The following ACTN2 variants were observed in gnomAD, a reference collection of about 807,000 sequenced individuals.
ACTN2 encodes the protein actinin alpha 2.
ACTN2 carries 39 observed loss-of-function variants against 113.8 expected under a neutral mutation model. The observed-to-expected ratio is 0.34, with a 90% CI of 0.27 to 0.45. ACTN2 has a LOEUF of 0.45. ACTN2 is among the 20% of genes least tolerant of loss of function. The pLI is 1.00. For missense variants in ACTN2, 992 were observed against 1,177.9 expected (o/e 0.84, Z 2.31); for synonymous variants, 429 against 444.1 (o/e 0.97, Z 0.43).
At chr1:236,740,724 G>A (rs1659043131) in intron 10 of ACTN2, among the ~76,000 whole-genome samples, 1 of 151,428 alleles carries the variant, frequency 6.6e-6, no homozygotes, top group Non-Finnish European at 1.5e-5. Context: ...GTAGAGGTGG[G>A]GTTTCACCAT....
intron 5 of ACTN2, 126 bp downstream of exon 5, chr1:236,726,146 C>T (rs1423387655): frequency 1.2e-6 from 1 of 842,216 alleles, no homozygotes; most frequent in Non-Finnish European, 2.0e-6. Flanking sequence ...GAGGAGAACT[C>T]AGGCTGTAGA....
chr1:236,733,225 AAG>A (rs1294543815), intron 7 of ACTN2, among the ~76,000 whole-genome samples: 1 of 152,204 alleles, frequency 6.6e-6, no homozygotes, highest in Non-Finnish European at 1.5e-5. Context: ...CAGGGTACTA[AAG>A]AGAGGAGAAA....
chr1:236,747,535 C>G (rs1232846920), intron 12 of ACTN2, 132 bp from the exon 13 acceptor site: 1 of 785,232 alleles, frequency 1.3e-6, no homozygotes, highest in African/African-American at 1.7e-5. Context: ...TCAGCCCACT[C>G]TCTATGTCCA....
chr1:236,720,916 C>T (rs1658363602), intron 4 of ACTN2, among the ~76,000 whole-genome samples: 1 of 26,536 alleles, frequency 3.8e-5, no homozygotes, highest in Non-Finnish European at 7.9e-4. Context: ...CCCCTTCTGA[C>T]TCTGTAATCC....
Position 236,700,189 on chromosome 1 carries a change from T to C in ACTN2, c.126+13390T>C, listed in dbSNP as rs140513438. On this transcript the variant is annotated intron_variant, in intron 1 of 20. Coordinates refer to ENST00000366578, the MANE Select transcript of ACTN2 (RefSeq NM_001103.4). Reference sequence around the variant, plus strand: ...TTTTATTTTATTATTTTATTTTATTTATCTTATTTTTGAGACGGAGTCTCT... The same window carrying C: ...TTTTATTTTATTATTTTATTTTATTCATCTTATTTTTGAGACGGAGTCTCT... Among the ~76,000 whole-genome samples the C allele has an allele frequency of 4.7e-3, 721 of 152,330 alleles. 30 individuals carry two copies. The highest frequency in any genetic ancestry group is 0.043 in the Admixed American group (652 of 15,296).
intron 1 of ACTN2, among the ~76,000 whole-genome samples, chr1:236,702,988 C>A (rs1009138932): frequency 5.3e-5 from 8 of 152,150 alleles, no homozygotes; most frequent in Admixed American, 3.9e-4. Context: ...CTGTGTAGTA[C>A]AAGCTGCTTC....
chr1:236,738,790 C>A (rs929236702), intron 9 of ACTN2, among the ~76,000 whole-genome samples: 1 of 152,136 alleles, frequency 6.6e-6, no homozygotes, highest in African/African-American at 2.4e-5. Flanking sequence ...AAAAGCTAGA[C>A]GTCAAAATAC....
intron 1 of ACTN2, among the ~76,000 whole-genome samples, chr1:236,694,556 A>G (rs1657414866): frequency 6.6e-6 from 1 of 152,126 alleles, no homozygotes; most frequent in East Asian, 1.9e-4. Context: ...GAAATTATGA[A>G]TCATTTCTAA....
intron 1 of ACTN2, among the ~76,000 whole-genome samples, chr1:236,690,927 C>T (rs1314734343): frequency 2.7e-5 from 4 of 145,826 alleles, no homozygotes; most frequent in Admixed American, 1.5e-4. Context: ...CCCCCCTCCT[C>T]GGGTGTACTT....
rs1359154699 is a variant in ACTN2 at position 236,763,710 on chromosome 1, G to C, written c.*1091G>C. 6.6e-6 allele frequency: 1 copy of C among 152,206 alleles called. No individual in the cohort carries two copies. Among genetic ancestry groups the C allele is most frequent in the Non-Finnish European group, 1.5e-5 (1 of 68,054 alleles). The allele number at this position is 152,206 out of a possible 1,614,324, so 9.4% of individuals were successfully genotyped here. A position where few individuals can be genotyped will look rare whatever the true frequency, so the allele number is the denominator to read the frequency against. On this transcript the variant is annotated 3_prime_UTR_variant, in exon 21 of 21. Coordinates refer to ENST00000366578, the MANE Select transcript of ACTN2 (RefSeq NM_001103.4). ...TAGGAATAACTAGATATTTTAGCTA[G>C]TGTGCGGTGTGTGTTCACCCCTGGG...
chr1:236,693,674 A>G (rs908512798), intron 1 of ACTN2, among the ~76,000 whole-genome samples: 3 of 152,034 alleles, frequency 2.0e-5, no homozygotes, highest in Non-Finnish European at 2.9e-5. Context: ...TGTGTGCTCC[A>G]AGGCCTTCAG....
At chr1:236,737,297 G>GTATGTATATATATATATATA in intron 9 of ACTN2, 83 bp downstream of exon 9, 2 of 322,240 alleles carry the variant, frequency 6.2e-6, no homozygotes, top group East Asian at 5.8e-5. Context: ...CTCCGTGGGG[G>GTATGTATATATATATATATA]CATATATATA....
At chr1:236,761,840 AC>A (rs1054191883) in intron 20 of ACTN2, among the ~76,000 whole-genome samples, 1 of 152,182 alleles carries the variant, frequency 6.6e-6, no homozygotes, top group Admixed American at 6.5e-5. Flanking sequence ...AAACACAGTA[AC>A]AGAGCCATAT....
At chr1:236,747,529 C>A in intron 12 of ACTN2, 138 bp from the exon 13 acceptor site, 1 of 740,240 alleles carries the variant, frequency 1.4e-6, no homozygotes, top group South Asian at 1.6e-5. Flanking sequence ...TGTCTATCAG[C>A]CCACTCTCTA....
rs1768056 is a variant in ACTN2, at chr1:236,727,481, A to G, written c.537-197A>G. Among the ~76,000 whole-genome samples, 146,857 of 152,090 alleles carry G rather than the reference A, an allele frequency of 0.97. 71,015 individuals are homozygous for G. Among genetic ancestry groups the G allele is most frequent in the Non-Finnish European group, 1 (67,753 of 68,022 alleles). ...AGGGCAAGTCTCAGGCAAGGAAGTC[A>G]AAAGGAGAGGAGTACCGTGGACCCT... is the stretch of plus-strand genomic sequence containing the variant. On this transcript the variant is annotated intron_variant, in intron 5 of 20. Transcript: ENST00000366578.
Position 236,747,332 on chromosome 1 carries a change from A to G in ACTN2, c.1407-335A>G, listed in dbSNP as rs79683418. Among the ~76,000 whole-genome samples the G allele has an allele frequency of 3.2e-3, 493 of 152,200 alleles. 2 individuals carry two copies. The highest frequency in any genetic ancestry group is 0.011 in the African/African-American group (467 of 41,542). ...CATCCCAGTTCTCTATCAGATTTTT[A>G]TTTTTTATTTCTTTTATGTGTATAA... is the stretch of plus-strand genomic sequence containing the variant. On this transcript the variant is annotated intron_variant, in intron 12 of 20. Transcript: ENST00000366578.
chr1:236,707,814 C>A (rs188756938), intron 1 of ACTN2, among the ~76,000 whole-genome samples: 3 of 146,178 alleles, frequency 2.1e-5, no homozygotes, highest in East Asian at 2.0e-4. Context: ...TGGGTTCAAG[C>A]GATTCTTCTG....
At chr1:236,715,584 A>G (rs995254708) in intron 1 of ACTN2, among the ~76,000 whole-genome samples, 4 of 152,090 alleles carry the variant, frequency 2.6e-5, no homozygotes, top group African/African-American at 9.7e-5. Flanking sequence ...TAATTTTTAA[A>G]TTTTATTTTA....
At chr1:236,749,297 A>C (rs2297955) in intron 14 of ACTN2, 33 bp downstream of exon 14, 5 of 1,613,382 alleles carry the variant, frequency 3.1e-6, no homozygotes, top group Non-Finnish European at 4.2e-6. Flanking sequence ...TGCCCTATGC[A>C]TTAGAAGTGA....
Sources: gnomAD v4.1 joint callset for allele counts (sites outside exome capture counted in the v4.1 genomes callset) on GRCh38, gnomAD v4.1.1 for gene constraint, MANE v1.5 for transcripts, NCBI Gene and HGNC (gene_info 2026-07-23, HGNC 2026-07-21) for gene names.